Variants in GABRB2 observed in about 807,000 individuals in gnomAD.
GABRB2 encodes the protein gamma-aminobutyric acid receptor subunit beta-2.
A neutral mutation model predicts 54.7 loss-of-function variants in GABRB2; 16 were observed. That is an observed-to-expected ratio of 0.29 (90% CI 0.20 to 0.44). The LOEUF (loss-of-function observed/expected upper bound fraction) is 0.44. Among genes scored for constraint, GABRB2 ranks in the 20% least tolerant of loss-of-function variants. The probability of loss-of-function intolerance (pLI) is 1.00; values close to 1 mark genes in which losing one functional copy is unlikely to be tolerated. For synonymous variants in GABRB2, 244 were observed against 233.8 expected, an observed-to-expected ratio of 1.04 and a Z score of -0.40; for missense variants, 355 against 644.0, an observed-to-expected ratio of 0.55 and a Z score of 4.86.
intron 5 of GABRB2, among the ~76,000 whole-genome samples, chr5:161,369,945 T>A (rs1031609799): frequency 6.6e-6 from 1 of 152,060 alleles, no homozygotes; most frequent in Admixed American, 6.6e-5. Flanking sequence ...TAAATTAAAT[T>A]GTCTCTGCTT....
At chr5:161,432,341 A>G (rs1281007498) in intron 4 of GABRB2, among the ~76,000 whole-genome samples, 1 of 152,212 alleles carries the variant, frequency 6.6e-6, no homozygotes, top group Non-Finnish European at 1.5e-5. Context: ...ATATCAACAT[A>G]TAAGAGTGTT....
intron 5 of GABRB2, among the ~76,000 whole-genome samples, chr5:161,383,667 A>G (rs1185850400): frequency 6.6e-6 from 1 of 152,172 alleles, no homozygotes; most frequent in Non-Finnish European, 1.5e-5. Context: ...AAAACAGTTG[A>G]ACATTTCCAT....
At position 161,545,311 on chromosome 5, in the gene GABRB2, C is replaced by A; in HGVS notation, c.170-17G>T. 2 of 1,581,686 alleles carry A rather than the reference C, an allele frequency of 1.3e-6. No individual in the cohort carries two copies. Among genetic ancestry groups the A allele is most frequent in the South Asian group, 2.3e-5 (2 of 86,380 alleles). On this transcript the variant is annotated splice_polypyrimidine_tract_variant and intron_variant, in intron 2 of 9. Transcript: ENST00000393959. ...CGGGGGGACCTGCAAAGCAAGACGG[C>A]CAGCCACGTGATTTCTTTGAACTTC...
intron 5 of GABRB2, among the ~76,000 whole-genome samples, chr5:161,376,160 T>C (rs867482874): frequency 5.3e-5 from 8 of 152,148 alleles, no homozygotes; most frequent in South Asian, 4.1e-4. Flanking sequence ...AAATCATGCA[T>C]TGGGGATCAC....
At chr5:161,482,384 T>C (rs962634947) in intron 3 of GABRB2, among the ~76,000 whole-genome samples, 2 of 152,108 alleles carry the variant, frequency 1.3e-5, no homozygotes, top group Admixed American at 1.3e-4. Flanking sequence ...GCAAAGTGGT[T>C]ACCTGTGACG....
chr5:161,392,384 G>C (rs1460989467), intron 5 of GABRB2, among the ~76,000 whole-genome samples: 1 of 152,172 alleles, frequency 6.6e-6, no homozygotes, highest in African/African-American at 2.4e-5. Flanking sequence ...AGAATACCTA[G>C]TAACTTTTTG....
chr5:161,382,734 T>C (rs571045012), intron 5 of GABRB2, among the ~76,000 whole-genome samples: 1 of 152,312 alleles, frequency 6.6e-6, no homozygotes, highest in South Asian at 2.1e-4. Context: ...CCCTTACACA[T>C]TATTGGAATG....
At chr5:161,297,459 T>A (rs1010989299) in intron 9 of GABRB2, among the ~76,000 whole-genome samples, 23 of 151,596 alleles carry the variant, frequency 1.5e-4, no homozygotes, top group African/African-American at 5.6e-4. Flanking sequence ...CAGGCCTTGG[T>A]GTGTGATGTT....
At position 161,513,419 on chromosome 5, in the gene GABRB2, T is replaced by C. The variant is rs1302607889; in HGVS notation, c.237+31808A>G. Among the ~76,000 whole-genome samples the C allele has an allele frequency of 3.4e-5, 5 of 147,370 alleles. No individual in the cohort carries two copies. In the East Asian group the frequency reaches 1.0e-3, roughly 30 times the overall value. On this transcript the variant is annotated intron_variant, in intron 3 of 9. Transcript: ENST00000393959. ...CAGCGGATTCATAAAGAAAATGTGG[T>C]ATATATATACAATGGAATACTATGC...
chr5:161,528,876 T>C (rs1364441823), intron 3 of GABRB2, among the ~76,000 whole-genome samples: 1 of 151,922 alleles, frequency 6.6e-6, no homozygotes, highest in East Asian at 1.9e-4. Flanking sequence ...ACTAAAGTCT[T>C]TGAATTGATC....
At chr5:161,304,934 G>T (rs530604212) in intron 9 of GABRB2, among the ~76,000 whole-genome samples, 2 of 149,396 alleles carry the variant, frequency 1.3e-5, no homozygotes, top group South Asian at 2.1e-4. Flanking sequence ...TGGGGAAAAA[G>T]ATTGGGATCA....
rs1461566727 is a variant in GABRB2, at chr5:161,294,263, G to T, written c.1357C>A (p.Arg453=). 1.9e-6 allele frequency: 3 copies of T among 1,614,044 alleles called. No homozygotes were observed. Among genetic ancestry groups the T allele is most frequent in the Non-Finnish European group, 2.5e-6 (3 of 1,179,998 alleles). ...KAGLPRHSFG[R]NALERHVAQK... ...GCCACATGTCGTTCCAGAGCATTTC[G>T]GCCAAAACTATGCCTGGGCAACCCA... Residue 453 remains arginine, a synonymous_variant, in exon 10 of 10, where the codon CGA becomes AGA. Transcript: ENST00000393959.
At chr5:161,397,551 T>G (rs1756041852) in intron 5 of GABRB2, among the ~76,000 whole-genome samples, 1 of 152,170 alleles carries the variant, frequency 6.6e-6, no homozygotes, top group South Asian at 2.1e-4. Context: ...ATACATCTTT[T>G]TAAAGAAGTC....
intron 9 of GABRB2, among the ~76,000 whole-genome samples, chr5:161,308,453 C>T (rs1489133515): frequency 1.3e-5 from 2 of 152,186 alleles, no homozygotes; most frequent in Non-Finnish European, 2.9e-5. Flanking sequence ...AGATTCAATA[C>T]TATGCATATT....
intron 5 of GABRB2, among the ~76,000 whole-genome samples, chr5:161,388,188 T>G (rs1442472440): frequency 6.6e-6 from 1 of 152,056 alleles, no homozygotes; most frequent in Non-Finnish European, 1.5e-5. Context: ...CTTTATGGGG[T>G]GCAAAAAGTA....
chr5:161,354,044 C>T (rs1311993273), intron 5 of GABRB2, among the ~76,000 whole-genome samples: 1 of 151,912 alleles, frequency 6.6e-6, no homozygotes, highest in African/African-American at 2.4e-5. Context: ...CTAATATTAC[C>T]AACACAGCAA....
At chr5:161,297,563 G>C (rs962275526) in intron 9 of GABRB2, among the ~76,000 whole-genome samples, 2 of 152,056 alleles carry the variant, frequency 1.3e-5, no homozygotes, top group Admixed American at 6.5e-5. Flanking sequence ...TTAATTTGCT[G>C]AGAATGATGG....
intron 3 of GABRB2, among the ~76,000 whole-genome samples, chr5:161,527,635 G>C (rs1561682886): frequency 6.6e-6 from 1 of 151,446 alleles, no homozygotes; most frequent in East Asian, 1.9e-4. Context: ...AGAAAAAAAT[G>C]AATTGTCCAA....
At chr5:161,396,803 G>T (rs543789968) in intron 5 of GABRB2, among the ~76,000 whole-genome samples, 3 of 152,064 alleles carry the variant, frequency 2.0e-5, no homozygotes, top group African/African-American at 7.2e-5. Flanking sequence ...ATAAAAAATA[G>T]CTTAACACAT....
Sources: allele counts gnomAD v4.1 joint callset (sites outside exome capture counted in the v4.1 genomes callset), GRCh38; gene constraint gnomAD v4.1.1; transcripts MANE v1.5; gene names NCBI Gene and HGNC (gene_info 2026-07-23, HGNC 2026-07-21).